Variants in RGS12 observed in about 807,000 individuals in gnomAD.
The protein encoded by RGS12 is regulator of G protein signaling 12.
In RGS12, 66 loss-of-function variants were observed where a neutral mutation model predicts 120.1. The ratio of observed to expected loss-of-function variants is 0.55; its 90% CI spans 0.45 to 0.67. The LOEUF is 0.67. Ranked by LOEUF, RGS12 falls within the 30% of genes least tolerant of loss-of-function variation. The probability of loss-of-function intolerance (pLI) is 0.00; values close to 1 mark genes in which losing one functional copy is unlikely to be tolerated. For missense variants in RGS12, 1,859 were observed against 1,957.7 expected, an observed-to-expected ratio of 0.95 and a Z score of 0.95; for synonymous variants, 827 against 804.7, an observed-to-expected ratio of 1.03 and a Z score of -0.47.
At chr4:3,330,150 T>C (rs991838207) in intron 2 of RGS12, among the ~76,000 whole-genome samples, 1 of 152,198 alleles carries the variant, frequency 6.6e-6, no homozygotes, top group Non-Finnish European at 1.5e-5. Flanking sequence ...CTGTTGACCA[T>C]GAAGTATCTC....
intron 17 of RGS12, chr4:3,431,927 G>A (rs1042497856): frequency 1.0e-5 from 10 of 985,402 alleles, no homozygotes; most frequent in South Asian, 4.7e-5. Flanking sequence ...GTGCACGTCT[G>A]TAGATCTGTA....
At chr4:3,345,894 A>G (rs763409357) in intron 3 of RGS12, among the ~76,000 whole-genome samples, 109 of 152,106 alleles carry the variant, frequency 7.2e-4, no homozygotes, top group Non-Finnish European at 1.5e-3. Flanking sequence ...TTTATAATAT[A>G]TGGCCTGTTT....
At chr4:3,362,348 T>C (rs1715656919) in intron 3 of RGS12, among the ~76,000 whole-genome samples, 1 of 152,038 alleles carries the variant, frequency 6.6e-6, no homozygotes, top group South Asian at 2.1e-4. Flanking sequence ...TGAGAGTGTG[T>C]GCGTGTGAGG....
At chr4:3,286,731 C>CG in the RGS12 span, among the ~76,000 whole-genome samples, 3 of 152,328 alleles carry the variant, frequency 2.0e-5, no homozygotes, top group South Asian at 6.2e-4. Flanking sequence ...AAAGGCTCAG[C>CG]GGGAACGTGT....
In RGS12 at chr4:3,416,958, T is replaced by C; in HGVS notation, c.2473T>C (p.Ser825Pro). Reference sequence around the variant, plus strand: ...TGATAGCTACACTCGCTTTCTGAAGTCCCCGCTGTACCAGGAATGCATCCT... The same window carrying C: ...TGATAGCTACACTCGCTTTCTGAAGCCCCCGCTGTACCAGGAATGCATCCT... ...KFDSYTRFLK[S>P]PLYQECILAE... Residue 825 changes from serine to proline, a missense_variant, in exon 8 of 18, where the codon TCC becomes CCC. By Grantham distance (74) the Ser-to-Pro change is moderately conservative. This residue lies in a region of RGS12 where 375 missense variants were observed against 475.0 expected (regional missense o/e 0.79). Transcript: ENST00000336727. 1 of 1,610,992 alleles carries C rather than the reference T, an allele frequency of 6.2e-7. No individual in the cohort carries two copies. The highest frequency in any genetic ancestry group is 8.5e-7 in the Non-Finnish European group (1 of 1,177,698).
intron 4 of RGS12, among the ~76,000 whole-genome samples, chr4:3,403,065 C>G (rs1042005614): frequency 6.6e-6 from 1 of 152,244 alleles, no homozygotes; most frequent in African/African-American, 2.4e-5. Flanking sequence ...ACTTCCCACA[C>G]TGACCTTCGC....
chr4:3,430,075 G>C (rs564572331), intron 16 of RGS12, among the ~76,000 whole-genome samples: 3 of 152,342 alleles, frequency 2.0e-5, no homozygotes, highest in Non-Finnish European at 1.5e-5. Flanking sequence ...GCCCAGGCCA[G>C]AGAGTCCCAC....
At chr4:3,324,462 G>T in intron 2 of RGS12, 1 of 245,610 alleles carries the variant, frequency 4.1e-6, no homozygotes, top group South Asian at 4.5e-5. Flanking sequence ...GCTTGTCTCT[G>T]GTTGGTACTG....
Position 3,316,416 on chromosome 4 carries a change from A to G in RGS12, c.246A>G (p.Lys82=). Residue 82 remains lysine, a synonymous_variant, in exon 2 of 18, where the codon AAA becomes AAG. Coordinates refer to ENST00000336727, the MANE Select transcript of RGS12 (RefSeq NM_001394154.1). The part of the protein sequence containing the change: ...VKKASHEDVV[K]LIGKCSGVLH... ...AAGCATCTCATGAAGATGTAGTGAAATTAATTGGGAAGTGCTCTGGTGTCC... is the reference window on the plus strand; with the variant it reads ...AAGCATCTCATGAAGATGTAGTGAAGTTAATTGGGAAGTGCTCTGGTGTCC... The G allele has an allele frequency of 6.2e-7, 1 of 1,614,152 alleles. No individual in the cohort carries two copies. Among genetic ancestry groups the G allele is most frequent in the Non-Finnish European group, 8.5e-7 (1 of 1,180,048 alleles).
intron 1 of RGS12, among the ~76,000 whole-genome samples, chr4:3,300,135 T>C (rs962093564): frequency 1.3e-5 from 2 of 152,226 alleles, no homozygotes; most frequent in African/African-American, 4.8e-5. Flanking sequence ...ATGGTGCTGG[T>C]GGCATCGCTG....
rs113712371 is a variant in RGS12, at chr4:3,377,247, T to C, written c.1999-9169T>C. Reference sequence around the variant, plus strand: ...CCACCACACCCAGCTAATTTTTGTATTTTTTGTAGTGGCAGTGTCTTGCCA... The same window carrying C: ...CCACCACACCCAGCTAATTTTTGTACTTTTTGTAGTGGCAGTGTCTTGCCA... On this transcript the variant is annotated intron_variant, in intron 3 of 17. Coordinates refer to ENST00000336727, the MANE Select transcript of RGS12 (RefSeq NM_001394154.1). Among the ~76,000 whole-genome samples, 397 of 152,282 alleles carry C rather than the reference T, an allele frequency of 2.6e-3. 3 individuals carry two copies. Among genetic ancestry groups the C allele is most frequent in the African/African-American group, 9.2e-3 (382 of 41,572 alleles).
chr4:3,417,265 C>G, intron 8 of RGS12, 123 bp from the exon 9 acceptor site: 1 of 1,314,450 alleles, frequency 7.6e-7, no homozygotes, highest in South Asian at 1.5e-5. Flanking sequence ...ACACCATGAC[C>G]TGTAGAAGTG....
intron 12 of RGS12, among the ~76,000 whole-genome samples, 164 bp from the exon 13 acceptor site, chr4:3,423,349 CTT>C (rs1264736126): frequency 6.6e-6 from 1 of 152,238 alleles, no homozygotes; most frequent in African/African-American, 2.4e-5. Context: ...CTTGGCCTGA[CTT>C]TTCCCACGTG....
At chr4:3,318,112 G>T (rs896585113) in intron 2 of RGS12, 61 bp downstream of exon 2, 81 of 1,447,688 alleles carry the variant, frequency 5.6e-5, no homozygotes, top group Non-Finnish European at 7.3e-5. Context: ...CAGTCACGGG[G>T]AGGTGACTCC....
chr4:3,437,050 C>T (rs1724878184), intron 17 of RGS12, among the ~76,000 whole-genome samples: 1 of 152,314 alleles, frequency 6.6e-6, no homozygotes. Context: ...CTCTGTGTTG[C>T]CATCCCTGCC....
chr4:3,416,451 G>C (rs905314518), intron 7 of RGS12, among the ~76,000 whole-genome samples: 6 of 152,166 alleles, frequency 3.9e-5, no homozygotes, highest in African/African-American at 1.4e-4. Context: ...TTGAAGTTTT[G>C]CATCGTAGGA....
chr4:3,408,011 C>T lies in RGS12; in HGVS notation c.2021-6061C>T, dbSNP rs937430165. Among the ~76,000 whole-genome samples the T allele has an allele frequency of 3.3e-5, 5 of 152,170 alleles. 1 individual carries two copies. The highest frequency in any genetic ancestry group is 5.9e-5 in the Non-Finnish European group (4 of 68,028). The stretch of plus-strand genomic sequence containing the variant: ...CCCACAACAATACCGTAAACTGGAC[C>T]GTGTTCTCTAAGGTGGTGTTGGGAT... On this transcript the variant is annotated intron_variant, in intron 4 of 17. Transcript: ENST00000336727.
intron 5 of RGS12, chr4:3,414,545 T>G: frequency 1.7e-6 from 1 of 602,510 alleles, no homozygotes; most frequent in East Asian, 2.8e-5. Flanking sequence ...TGTTGCCAGC[T>G]CTTCAAAGAG....
Position 3,317,544 on chromosome 4 carries a change from C to A in RGS12, c.1374C>A (p.Asp458Glu). ...SRHGPGGSAW[D>E]GVGGRGAQPW... ...ACGGCCCCGGAGGCAGCGCGTGGGACGGTGTGGGTGGGAGGGGTGCCCAGC... is the reference window on the plus strand; with the variant it reads ...ACGGCCCCGGAGGCAGCGCGTGGGAAGGTGTGGGTGGGAGGGGTGCCCAGC... The change falls in exon 2 of 18, where the codon GAC becomes GAA. Residue 458 changes from aspartate to glutamate, a missense_variant. This residue lies in a region of RGS12 where 967 missense variants were observed against 994.2 expected (regional missense o/e 0.97). Coordinates refer to ENST00000336727, the MANE Select transcript of RGS12 (RefSeq NM_001394154.1). 1 of 1,609,390 alleles carries A rather than the reference C, an allele frequency of 6.2e-7. No homozygotes were observed.
Sources: allele counts gnomAD v4.1 joint callset (sites outside exome capture counted in the v4.1 genomes callset), GRCh38; gene constraint gnomAD v4.1.1; regional missense constraint gnomAD v4.1.1; transcripts MANE v1.5; gene names NCBI Gene and HGNC (gene_info 2026-07-23, HGNC 2026-07-21).